Variants in MSRA observed in about 807,000 individuals in gnomAD.
MSRA encodes the protein mitochondrial peptide methionine sulfoxide reductase.
MSRA carries 54 observed loss-of-function variants against 31.3 expected under a neutral mutation model. The observed-to-expected ratio is 1.73, with a 90% CI of 1.39 to 2.17. MSRA has a LOEUF of 2.17. Among genes scored for constraint, MSRA ranks in the 30% most tolerant of loss-of-function variants. The pLI is 0.00. For missense variants in MSRA, 507 were observed against 300.9 expected (o/e 1.69, Z -5.07); for synonymous variants, 169 against 116.5 (o/e 1.45, Z -2.90).
chr8:10,081,896 T>C (rs1798312676), intron 1 of MSRA, among the ~76,000 whole-genome samples: 1 of 152,200 alleles, frequency 6.6e-6, no homozygotes, highest in Admixed American at 6.5e-5. Context: ...TGCTGACTCT[T>C]GTCTCATTTT....
intron 1 of MSRA, among the ~76,000 whole-genome samples, chr8:10,089,851 G>A (rs986415401): frequency 5.3e-5 from 8 of 152,154 alleles, no homozygotes; most frequent in African/African-American, 1.9e-4. Context: ...AAACAGTCCC[G>A]TTTCATGAGA....
In MSRA at chr8:10,355,424, T is replaced by G. The variant is rs191601545; in HGVS notation, c.543+35435T>G. Reference sequence around the variant, plus strand: ...ACTTTCCAAACCAAAGCAAATGAAGTCATCAAAAAGAACGATGTGTCGGAG... The same window carrying G: ...ACTTTCCAAACCAAAGCAAATGAAGGCATCAAAAAGAACGATGTGTCGGAG... On this transcript the variant is annotated intron_variant, in intron 5 of 5. Transcript: ENST00000317173. Among the ~76,000 whole-genome samples, 82 of 152,276 alleles carry G rather than the reference T, an allele frequency of 5.4e-4. 1 individual carries two copies. The highest frequency in any genetic ancestry group is 5.2e-3 in the Admixed American group (80 of 15,294).
intron 1 of MSRA, among the ~76,000 whole-genome samples, chr8:10,082,638 T>C (rs1484612995): frequency 6.6e-6 from 1 of 152,180 alleles, no homozygotes; most frequent in Non-Finnish European, 1.5e-5. Context: ...TTAAATTGTG[T>C]AACCTTGGAG....
chr8:10,103,062 A>T (rs1799642369), intron 1 of MSRA, among the ~76,000 whole-genome samples: 1 of 152,228 alleles, frequency 6.6e-6, no homozygotes, highest in Non-Finnish European at 1.5e-5. Flanking sequence ...TAGCACATTG[A>T]ATAAAAGAAT....
intron 4 of MSRA, among the ~76,000 whole-genome samples, chr8:10,307,650 C>T (rs1801213644): frequency 6.6e-6 from 1 of 152,238 alleles, no homozygotes. Context: ...ATGCATTCTC[C>T]AGGCTCTAGA....
chr8:10,137,104 G>A (rs1802339373), intron 1 of MSRA, among the ~76,000 whole-genome samples: 1 of 152,214 alleles, frequency 6.6e-6, no homozygotes, highest in African/African-American at 2.4e-5. Flanking sequence ...GTGTTCTGAA[G>A]AGGGCACACA....
intron 1 of MSRA, among the ~76,000 whole-genome samples, chr8:10,183,786 G>T (rs1428931750): frequency 6.6e-6 from 1 of 150,702 alleles, no homozygotes. Flanking sequence ...TGGTGGTGGT[G>T]GTGGTGGTGG....
intron 1 of MSRA, among the ~76,000 whole-genome samples, chr8:10,064,746 C>G (rs773255158): frequency 6.6e-6 from 1 of 152,098 alleles, no homozygotes; most frequent in Non-Finnish European, 1.5e-5. Flanking sequence ...GTATTTTATA[C>G]TTTGCATAGG....
At chr8:10,201,127 G>GACAGATTT (rs1379602253) in intron 1 of MSRA, among the ~76,000 whole-genome samples, 1 of 152,092 alleles carries the variant, frequency 6.6e-6, no homozygotes, top group Non-Finnish European at 1.5e-5. Context: ...TTGGGGTGTT[G>GACAGATTT]ACAGATTTTT....
intron 5 of MSRA, among the ~76,000 whole-genome samples, chr8:10,379,743 AGGCC>A (rs1248241388): frequency 4.6e-5 from 7 of 152,246 alleles, no homozygotes; most frequent in African/African-American, 1.7e-4. Flanking sequence ...TGGGATGGCC[AGGCC>A]TAGGGTAACC....
At chr8:10,059,621 T>C (rs970770055) in intron 1 of MSRA, among the ~76,000 whole-genome samples, 1 of 152,210 alleles carries the variant, frequency 6.6e-6, no homozygotes, top group Non-Finnish European at 1.5e-5. Flanking sequence ...AATTAGATTA[T>C]ATCACAGTAA....
intron 2 of MSRA, among the ~76,000 whole-genome samples, chr8:10,221,098 G>C (rs1315074212): frequency 6.6e-6 from 1 of 152,202 alleles, no homozygotes; most frequent in East Asian, 1.9e-4. Context: ...ATAGCATGGA[G>C]TCTGTGTGGG....
At chr8:10,192,959 A>G (rs1372510360) in intron 1 of MSRA, among the ~76,000 whole-genome samples, 1 of 152,202 alleles carries the variant, frequency 6.6e-6, no homozygotes, top group Admixed American at 6.5e-5. Context: ...CCCATATTAT[A>G]TTATGTTCTC....
chr8:10,299,067 G>A (rs1430492867), intron 3 of MSRA, among the ~76,000 whole-genome samples: 2 of 152,110 alleles, frequency 1.3e-5, no homozygotes, highest in African/African-American at 2.4e-5. Flanking sequence ...ATGCTTCTAA[G>A]CAATTTTATT....
At chr8:10,351,391 C>T (rs112874264) in intron 5 of MSRA, among the ~76,000 whole-genome samples, 3,160 of 151,732 alleles carry the variant, frequency 0.021, 69 homozygotes, top group African/African-American at 0.059. Flanking sequence ...GCATCTGGGA[C>T]CACAGGCATG....
chr8:10,115,257 A>G (rs768701914), intron 1 of MSRA, among the ~76,000 whole-genome samples: 3 of 152,252 alleles, frequency 2.0e-5, no homozygotes, highest in Non-Finnish European at 4.4e-5. Context: ...ATATTCATAG[A>G]ACACTAGAAG....
At chr8:10,173,644 T>C (rs1435375767) in intron 1 of MSRA, among the ~76,000 whole-genome samples, 1 of 152,148 alleles carries the variant, frequency 6.6e-6, no homozygotes, top group African/African-American at 2.4e-5. Context: ...TTTCCGCTTG[T>C]CTCTTTTCCG....
chr8:10,096,084 T>G (rs772360030), intron 1 of MSRA: 1 of 1,353,674 alleles, frequency 7.4e-7, no homozygotes, highest in Non-Finnish European at 9.8e-7. Flanking sequence ...TTTAGACATT[T>G]ATAGACATTA....
chr8:10,239,962 T>C (rs2129078827), intron 2 of MSRA, among the ~76,000 whole-genome samples: 1 of 152,332 alleles, frequency 6.6e-6, no homozygotes. Context: ...CCAGTGCTTT[T>C]TCAGGACGGC....
Sources: gnomAD v4.1 joint callset for allele counts (sites outside exome capture counted in the v4.1 genomes callset) on GRCh38, gnomAD v4.1.1 for gene constraint, MANE v1.5 for transcripts, NCBI Gene and HGNC (gene_info 2026-07-23, HGNC 2026-07-21) for gene names.